The following COPG2 variants were observed in gnomAD, a reference collection of about 807,000 sequenced individuals.
COPG2 encodes the protein coatomer subunit gamma-2.
In COPG2, 37 loss-of-function variants were observed where a neutral mutation model predicts 46.3. That is an observed-to-expected ratio of 0.80 (90% confidence interval 0.61 to 1.05). The LOEUF (loss-of-function observed/expected upper bound fraction) is 1.05. COPG2 is among the 50% of genes least tolerant of loss of function. COPG2 has a pLI of 0.00. For missense variants in COPG2, 427 were observed against 387.8 expected, an observed-to-expected ratio of 1.10 and a Z score of -0.85; for synonymous variants, 159 against 129.7, an observed-to-expected ratio of 1.23 and a Z score of -1.53.
At chr7:130,655,185 G>T (rs1301505114) in intron 4 of COPG2, among the ~76,000 whole-genome samples, 1 of 151,840 alleles carries the variant, frequency 6.6e-6, no homozygotes, top group Non-Finnish European at 1.5e-5. Flanking sequence ...GTTTATTTTG[G>T]TGTATGATCT....
At chr7:130,543,168 G>C (rs1241130865) in intron 20 of COPG2, among the ~76,000 whole-genome samples, 1 of 152,192 alleles carries the variant, frequency 6.6e-6, no homozygotes, top group South Asian at 2.1e-4. Context: ...TGCAAGTGTG[G>C]GGGTTGGACA....
At chr7:130,512,897 GAATGA>G (rs1349486039) in intron 20 of COPG2, among the ~76,000 whole-genome samples, 2 of 152,138 alleles carry the variant, frequency 1.3e-5, no homozygotes, top group Non-Finnish European at 2.9e-5. Flanking sequence ...AGGGAAACAT[GAATGA>G]AAATATCACA....
At chr7:130,558,695 AT>A (rs1462825662) in intron 12 of COPG2, among the ~76,000 whole-genome samples, 1 of 151,890 alleles carries the variant, frequency 6.6e-6, no homozygotes, top group Non-Finnish European at 1.5e-5. Context: ...TAATTTTTGT[AT>A]TTTTTTGTAG....
intron 20 of COPG2, among the ~76,000 whole-genome samples, chr7:130,536,680 ACTGT>A (rs1192148741): frequency 6.6e-6 from 1 of 152,134 alleles, no homozygotes; most frequent in Non-Finnish European, 1.5e-5. Flanking sequence ...CAGGGTCAAG[ACTGT>A]CAGGTGTGGG....
intron 20 of COPG2, among the ~76,000 whole-genome samples, chr7:130,525,963 T>G (rs1799770448): frequency 6.6e-6 from 1 of 152,066 alleles, no homozygotes; most frequent in Non-Finnish European, 1.5e-5. Flanking sequence ...ATGAGTGACC[T>G]GGACAGCCTG....
intron 9 of COPG2, among the ~76,000 whole-genome samples, chr7:130,586,987 A>G (rs1352852557): frequency 6.6e-6 from 1 of 151,876 alleles, no homozygotes; most frequent in Non-Finnish European, 1.5e-5. Context: ...TTTAATATTA[A>G]CCCATCATAA....
intron 9 of COPG2, among the ~76,000 whole-genome samples, chr7:130,594,652 A>G (rs1413573273): frequency 5.3e-5 from 8 of 152,238 alleles, no homozygotes; most frequent in Non-Finnish European, 8.8e-5. Context: ...AAGAACTAAT[A>G]CAATTCAACA....
chr7:130,585,318 A>C (rs537020848), intron 9 of COPG2, among the ~76,000 whole-genome samples: 1 of 152,242 alleles, frequency 6.6e-6, no homozygotes, highest in South Asian at 2.1e-4. Context: ...AAATCAACTC[A>C]AGAAGGATTA....
rs1796112569 is a variant in COPG2 at position 130,667,538 on chromosome 7, T to C, written c.38-4A>G. 2 of 1,612,672 alleles carry C rather than the reference T, an allele frequency of 1.2e-6. No individual in the cohort carries two copies. On this transcript the variant is annotated splice_region_variant and splice_polypyrimidine_tract_variant and intron_variant, in intron 1 of 23. Transcript: ENST00000425248. ...TGGAAAGGATTGGAGCCACTACCTATTTATAAAACAAAACAAAAAAATGTC... is the reference window on the plus strand; with the variant it reads ...TGGAAAGGATTGGAGCCACTACCTACTTATAAAACAAAACAAAAAAATGTC...
At chr7:130,573,487 T>G (rs545245510) in intron 9 of COPG2, among the ~76,000 whole-genome samples, 5 of 152,108 alleles carry the variant, frequency 3.3e-5, no homozygotes, top group Non-Finnish European at 5.9e-5. Context: ...AAAAGAATTA[T>G]ATACATAATT....
intron 20 of COPG2, among the ~76,000 whole-genome samples, chr7:130,546,391 C>T (rs959273194): frequency 4.6e-5 from 7 of 151,994 alleles, no homozygotes; most frequent in Non-Finnish European, 1.0e-4. Context: ...GGAGAGAAAG[C>T]GAAGTTACAA....
chr7:130,639,740 T>A (rs1673190289), intron 5 of COPG2, among the ~76,000 whole-genome samples: 1 of 152,228 alleles, frequency 6.6e-6, no homozygotes, highest in Non-Finnish European at 1.5e-5. Context: ...TCCATACATG[T>A]AGTGCTTTGG....
At chr7:130,519,243 G>A (rs1816475729) in intron 20 of COPG2, among the ~76,000 whole-genome samples, 1 of 152,054 alleles carries the variant, frequency 6.6e-6, no homozygotes, top group Non-Finnish European at 1.5e-5. Flanking sequence ...AGAAAAGGGG[G>A]GAGTGAGAAC....
chr7:130,594,651 T>C (rs1794492006), intron 9 of COPG2, among the ~76,000 whole-genome samples: 1 of 152,158 alleles, frequency 6.6e-6, no homozygotes, highest in Non-Finnish European at 1.5e-5. Context: ...AAAGAACTAA[T>C]ACAATTCAAC....
chr7:130,604,181 G>C (rs1423413724), intron 9 of COPG2, among the ~76,000 whole-genome samples: 1 of 152,120 alleles, frequency 6.6e-6, no homozygotes, highest in African/African-American at 2.4e-5. Flanking sequence ...TCAAACCCAT[G>C]TTGTTCAAGG....
chr7:130,585,505 AG>A (rs1794248464), intron 9 of COPG2, among the ~76,000 whole-genome samples: 1 of 152,098 alleles, frequency 6.6e-6, no homozygotes, highest in South Asian at 2.1e-4. Context: ...GCACGGCAAA[AG>A]GAACAGTCAG....
intron 20 of COPG2, among the ~76,000 whole-genome samples, chr7:130,537,190 C>T (rs1328703258): frequency 1.2e-4 from 18 of 152,220 alleles, no homozygotes; most frequent in Non-Finnish European, 2.4e-4. Context: ...GAGGCAGAGG[C>T]TCCCCAGAGT....
intron 9 of COPG2, among the ~76,000 whole-genome samples, chr7:130,565,742 AT>A (rs1277775561): frequency 1.2e-3 from 184 of 148,876 alleles, no homozygotes; most frequent in Admixed American, 1.6e-3. Context: ...GACAGAAATG[AT>A]TTTTTTTTTT....
chr7:130,663,032 G>A lies in COPG2; in HGVS notation c.178C>T (p.His60Tyr). 1 of 1,529,754 alleles carries A rather than the reference G, an allele frequency of 6.5e-7. No homozygotes were observed. 94.8% of individuals were successfully genotyped at this position (1,529,754 alleles called of 1,614,324 possible). The stretch of plus-strand genomic sequence containing the variant: ...TCTGTAGCTTCCGTTGTTCCAAAGT[G>A]TTCACCCTAAGTAAAATTTAAAACA... ...KILYLLNQGE[H>Y]FGTTEATEAF... The change falls in exon 4 of 24, where the codon CAC (histidine) becomes TAC (tyrosine). Residue 60 changes from histidine to tyrosine, a missense_variant. His to Tyr is a moderately conservative substitution (Grantham distance 83). Transcript: ENST00000425248.
Sources: allele counts gnomAD v4.1 joint callset (sites outside exome capture counted in the v4.1 genomes callset), GRCh38; gene constraint gnomAD v4.1.1; transcripts MANE v1.5; gene names NCBI Gene and HGNC (gene_info 2026-07-23, HGNC 2026-07-21).